The following MRPS28 variants were observed in gnomAD, a reference collection of about 807,000 sequenced individuals.
MRPS28 encodes small ribosomal subunit protein bS1m.
In MRPS28, 7 loss-of-function variants were observed where a neutral mutation model predicts 10.8. The observed-to-expected ratio is 0.65, with a 90% CI of 0.37 to 1.22. The LOEUF (loss-of-function observed/expected upper bound fraction) is 1.22, where lower values mean the gene tolerates loss of function less well. Ranked by LOEUF, MRPS28 falls within the 50% of genes most tolerant of loss-of-function variation. The pLI is 0.02. For missense variants in MRPS28, 265 were observed against 232.9 expected, an observed-to-expected ratio of 1.14 and a Z score of -0.90; for synonymous variants, 121 against 93.3, an observed-to-expected ratio of 1.30 and a Z score of -1.71.
chr8:79,934,587 T>C (rs1414032062), intron 2 of MRPS28, among the ~76,000 whole-genome samples: 3 of 152,224 alleles, frequency 2.0e-5, no homozygotes, highest in Non-Finnish European at 2.9e-5. Context: ...GTAAACTATA[T>C]GGAAGACAAG....
intron 2 of MRPS28, among the ~76,000 whole-genome samples, chr8:79,931,734 G>T (rs1806467447): frequency 1.3e-5 from 2 of 152,292 alleles, no homozygotes; most frequent in South Asian, 2.1e-4. Flanking sequence ...CATAAAGTAG[G>T]TCTGGCTGTT....
In MRPS28 at chr8:79,921,518, T is replaced by C. The variant is rs1368271890; in HGVS notation, c.396-2370A>G. Among the ~76,000 whole-genome samples, 4 of 150,920 alleles carry C rather than the reference T, an allele frequency of 2.7e-5. No homozygotes were observed. The East Asian group carries it at 5.8e-4, about 22-fold the overall frequency. On this transcript the variant is annotated intron_variant, in intron 2 of 2. Transcript: ENST00000276585. ...AGAGGTCCTTCGCATCCCTTGTAAGTTGGATTCCTAGGTATTTTATTCTCT... is the reference window on the plus strand; with the variant it reads ...AGAGGTCCTTCGCATCCCTTGTAAGCTGGATTCCTAGGTATTTTATTCTCT...
At chr8:79,953,903 C>T (rs532503410) in intron 2 of MRPS28, among the ~76,000 whole-genome samples, 1 of 152,256 alleles carries the variant, frequency 6.6e-6, no homozygotes, top group South Asian at 2.1e-4. Flanking sequence ...TATGCATATA[C>T]ACTAAAAAGG....
chr8:79,946,653 C>CT (rs1306584638), intron 2 of MRPS28, among the ~76,000 whole-genome samples: 1 of 152,020 alleles, frequency 6.6e-6, no homozygotes, highest in Non-Finnish European at 1.5e-5. Context: ...GGATTTTGTT[C>CT]TTTTCGCTCC....
At chr8:80,012,690 T>C (rs2130200567) in intron 1 of MRPS28, among the ~76,000 whole-genome samples, 1 of 152,300 alleles carries the variant, frequency 6.6e-6, no homozygotes, top group East Asian at 1.9e-4. Flanking sequence ...TGTACTATTT[T>C]CTCCTTTGAA....
intron 1 of MRPS28, among the ~76,000 whole-genome samples, chr8:80,010,246 C>G (rs1808999311): frequency 6.6e-6 from 1 of 152,110 alleles, no homozygotes. Context: ...AAAGGAAGTG[C>G]TAAGTTTCTA....
At chr8:79,966,556 T>G (rs1352283344) in intron 2 of MRPS28, among the ~76,000 whole-genome samples, 1 of 152,030 alleles carries the variant, frequency 6.6e-6, no homozygotes, top group Non-Finnish European at 1.5e-5. Flanking sequence ...CTTTGAAAAT[T>G]TAAAAGGTAT....
intron 2 of MRPS28, among the ~76,000 whole-genome samples, chr8:79,978,656 T>C (rs1807865207): frequency 1.3e-5 from 2 of 152,340 alleles, no homozygotes; most frequent in South Asian, 2.1e-4. Context: ...AAAGAGAATT[T>C]GGATTATGAT....
intron 1 of MRPS28, among the ~76,000 whole-genome samples, chr8:80,018,156 G>A (rs920977156): frequency 1.1e-4 from 16 of 151,892 alleles, no homozygotes; most frequent in Non-Finnish European, 1.6e-4. Context: ...AGCAGGGCAT[G>A]GTGGCAGGCG....
chr8:80,020,186 T>C (rs1031598499), intron 1 of MRPS28, among the ~76,000 whole-genome samples: 2 of 152,122 alleles, frequency 1.3e-5, no homozygotes, highest in African/African-American at 4.8e-5. Context: ...CCATAAGGCA[T>C]TGTGGAGAGT....
intron 2 of MRPS28, among the ~76,000 whole-genome samples, chr8:79,993,211 C>G (rs951901123): frequency 6.6e-6 from 1 of 152,200 alleles, no homozygotes; most frequent in Non-Finnish European, 1.5e-5. Flanking sequence ...ATATTACCTT[C>G]AAAGCTTTTG....
chr8:80,009,564 C>T (rs536047869), intron 1 of MRPS28, among the ~76,000 whole-genome samples: 18 of 151,666 alleles, frequency 1.2e-4, no homozygotes, highest in Admixed American at 3.3e-4. Flanking sequence ...TACGGTGAGC[C>T]GAGATCACGC....
At chr8:79,983,873 T>G (rs1458587886) in intron 2 of MRPS28, among the ~76,000 whole-genome samples, 1 of 152,102 alleles carries the variant, frequency 6.6e-6, no homozygotes, top group Admixed American at 6.5e-5. Context: ...CAGGAGAACT[T>G]CCCCAATCTA....
At chr8:79,960,006 T>A (rs1483650132) in intron 2 of MRPS28, among the ~76,000 whole-genome samples, 1 of 152,060 alleles carries the variant, frequency 6.6e-6, no homozygotes, top group Non-Finnish European at 1.5e-5. Context: ...CCTGACAACA[T>A]CCTGTTTTAC....
intron 1 of MRPS28, among the ~76,000 whole-genome samples, chr8:80,007,597 C>T (rs1030855618): frequency 2.6e-5 from 4 of 152,046 alleles, no homozygotes; most frequent in African/African-American, 9.7e-5. Flanking sequence ...AATCAATGTG[C>T]AAAAATCACA....
At chr8:79,920,478 C>T (rs1810060075) in intron 2 of MRPS28, among the ~76,000 whole-genome samples, 1 of 152,198 alleles carries the variant, frequency 6.6e-6, no homozygotes, top group Non-Finnish European at 1.5e-5. Flanking sequence ...TTAATGATCA[C>T]CATTCTAACT....
At chr8:79,997,903 A>C (rs1808549507) in intron 2 of MRPS28, among the ~76,000 whole-genome samples, 3 of 151,976 alleles carry the variant, frequency 2.0e-5, no homozygotes, top group Non-Finnish European at 4.4e-5. Context: ...AAAAATACAA[A>C]AATTAGCTGA....
chr8:79,959,365 T>C (rs1807311260), intron 2 of MRPS28, among the ~76,000 whole-genome samples: 1 of 152,148 alleles, frequency 6.6e-6, no homozygotes, highest in Admixed American at 6.6e-5. Flanking sequence ...GGAGGTATTC[T>C]ACCTATTTTT....
chr8:79,925,405 A>G (rs1484529628), intron 2 of MRPS28, among the ~76,000 whole-genome samples: 9 of 152,188 alleles, frequency 5.9e-5, no homozygotes, highest in African/African-American at 2.2e-4. Flanking sequence ...TCAAACTGCA[A>G]TTATCCTGGA....
Sources: allele counts gnomAD v4.1 joint callset (sites outside exome capture counted in the v4.1 genomes callset), GRCh38; gene constraint gnomAD v4.1.1; transcripts MANE v1.5; gene names NCBI Gene and HGNC (gene_info 2026-07-23, HGNC 2026-07-21).